The following INHBE variants were observed in gnomAD, a reference collection of about 807,000 sequenced individuals.
The protein encoded by INHBE is inhibin subunit beta E, also known as inhibin beta E chain.
A neutral mutation model predicts 27.8 loss-of-function variants in INHBE; 19 were observed. The observed-to-expected ratio is 0.68, with a 90% CI of 0.48 to 1.00. The LOEUF (loss-of-function observed/expected upper bound fraction) is 1.00. INHBE is among the 50% of genes least tolerant of loss of function. INHBE has a pLI of 0.00. For missense variants in INHBE, 398 were observed against 433.9 expected (o/e 0.92, Z 0.73); for synonymous variants, 196 against 187.2 (o/e 1.05, Z -0.38).
Position 57,456,357 on chromosome 12 carries a change from C to T in INHBE, c.562C>T (p.Leu188=), listed in dbSNP as rs771147211. The T allele has an allele frequency of 1.2e-6, 2 of 1,614,178 alleles. No individual in the cohort carries two copies. The highest frequency in any genetic ancestry group is 1.7e-6 in the Non-Finnish European group (2 of 1,180,040). The change falls in exon 2 of 2, where the codon CTG becomes TTG. Residue 188 remains leucine, a synonymous_variant. Coordinates refer to ENST00000266646, the MANE Select transcript of INHBE (RefSeq NM_031479.5). ...LRGEKSGVLK[L]QLDCRPLEGN... Reference sequence around the variant, plus strand: ...GGGTGAGAAGTCTGGTGTCCTGAAACTGCAACTAGACTGCAGACCCCTAGA... The same window carrying T: ...GGGTGAGAAGTCTGGTGTCCTGAAATTGCAACTAGACTGCAGACCCCTAGA...
At position 57,456,669 on chromosome 12, in the gene INHBE, G is replaced by C; in HGVS notation, c.874G>C (p.Ala292Pro). 6.2e-7 allele frequency: 1 copy of C among 1,614,218 alleles called. No homozygotes were observed. The highest frequency in any genetic ancestry group is 8.5e-7 in the Non-Finnish European group (1 of 1,180,052). Residue 292 changes from alanine (A) to proline (P), a missense_variant, in exon 2 of 2, where the codon GCC (alanine) becomes CCC (proline). Coordinates refer to ENST00000266646, the MANE Select transcript of INHBE (RefSeq NM_031479.5). The part of the protein sequence containing the change: ...PHLAGSPGIA[A>P]SFHSAVFSLL... Reference sequence around the variant, plus strand: ...CCTGGCTGGCAGCCCAGGCATTGCTGCCTCTTTCCATTCTGCCGTCTTCAG... The same window carrying C: ...CCTGGCTGGCAGCCCAGGCATTGCTCCCTCTTTCCATTCTGCCGTCTTCAG...
Position 57,456,587 on chromosome 12 carries a change from G to T in INHBE, c.792G>T (p.Trp264Cys). ...TCCAGGAACTGGGATGGCGGGACTG[G>T]ATACTGCAGCCCGAGGGGTACCAGC... ...VDFQELGWRD[W>C]ILQPEGYQLN... is the part of the protein sequence containing the mutation. Residue 264 changes from tryptophan to cysteine, a missense_variant, in exon 2 of 2, where the codon TGG becomes TGT. Coordinates refer to ENST00000266646, the MANE Select transcript of INHBE (RefSeq NM_031479.5). 6.2e-7 allele frequency: 1 copy of T among 1,614,162 alleles called. No homozygotes were observed. Among genetic ancestry groups the T allele is most frequent in the Non-Finnish European group, 8.5e-7 (1 of 1,180,014 alleles).
intron 1 of INHBE, 93 bp downstream of exon 1, chr12:57,455,927 G>C: frequency 7.1e-7 from 1 of 1,402,878 alleles, no homozygotes; most frequent in Middle Eastern, 2.0e-4. Context: ...GTGGGGTGTG[G>C]CAGGAGAAGG....
Position 57,456,490 on chromosome 12 carries a change from G to A in INHBE, c.695G>A (p.Arg232Gln), listed in dbSNP as rs183394512. Residue 232 changes from arginine to glutamine, a missense_variant, in exon 2 of 2, where the codon CGG becomes CAG. Transcript: ENST00000266646. ...CGAGCCAATGAGCCTGGAGCAGGCC[G>A]GGCCAGGAGGAGGACCCCCACCTGT... ...KIRANEPGAG[R>Q]ARRRTPTCEP... The A allele has an allele frequency of 3.1e-6, 5 of 1,614,168 alleles. No homozygotes were observed. Among genetic ancestry groups the A allele is most frequent in the Non-Finnish European group, 4.2e-6 (5 of 1,180,018 alleles).
chr12:57,456,952 A>G lies in INHBE; in HGVS notation c.*104A>G, dbSNP rs2139840475. The G allele has an allele frequency of 1.5e-6, 2 of 1,306,338 alleles. No homozygotes were observed. Among genetic ancestry groups the G allele is most frequent in the Non-Finnish European group, 2.1e-6 (2 of 953,414 alleles). 80.9% of individuals were successfully genotyped at this position (1,306,338 alleles called of 1,614,324 possible). Reference sequence around the variant, plus strand: ...AGATTCCTGATCCACACCCCAACCCAACAACCACCTGGCAATATGACTCAC... The same window carrying G: ...AGATTCCTGATCCACACCCCAACCCGACAACCACCTGGCAATATGACTCAC... On this transcript the variant is annotated 3_prime_UTR_variant, in exon 2 of 2. Coordinates refer to ENST00000266646, the MANE Select transcript of INHBE (RefSeq NM_031479.5).
Position 57,456,381 on chromosome 12 carries a change from G to T in INHBE, c.586G>T (p.Glu196Ter), listed in dbSNP as rs764817559. 1.4e-5 allele frequency: 22 copies of T among 1,614,152 alleles called. No individual in the cohort carries two copies. In the South Asian group the frequency reaches 2.3e-4, roughly 17 times the overall value. Reference protein sequence around the residue: ...LKLQLDCRPLEGNSTVTGQPR... With the variant: ...LKLQLDCRPL ...ACTGCAACTAGACTGCAGACCCCTA[G>T]AAGGCAACAGCACAGTTACTGGACA... The change falls in exon 2 of 2, where the codon GAA becomes TAA. Residue 196 changes from glutamate to a stop codon, truncating the protein, a stop_gained. Transcript: ENST00000266646. LOFTEE classifies it high-confidence loss of function.
chr12:57,457,100 A>G lies in INHBE; in HGVS notation c.*252A>G. ...TAAAGGGGTCTACCCAGAAAGCATG[A>G]TTTCCTGCCCTAAGTCCTGTGAGAA... On this transcript the variant is annotated 3_prime_UTR_variant, in exon 2 of 2. Coordinates refer to ENST00000266646, the MANE Select transcript of INHBE (RefSeq NM_031479.5). The G allele has an allele frequency of 3.4e-6, 1 of 290,160 alleles. No homozygotes were observed. Among genetic ancestry groups the G allele is most frequent in the Non-Finnish European group, 6.6e-6 (1 of 150,926 alleles). 18.0% of individuals were successfully genotyped at this position (290,160 alleles called of 1,614,324 possible). A position where few individuals can be genotyped will look rare whatever the true frequency, so the allele number is the denominator to read the frequency against.
At position 57,456,560 on chromosome 12, in the gene INHBE, C is replaced by T. The variant is rs1870839846; in HGVS notation, c.765C>T (p.Asp255=). ...PLCCRRDHYV[D]FQELGWRDWI... Reference sequence around the variant, plus strand: ...GTTGCAGGCGAGACCATTACGTAGACTTCCAGGAACTGGGATGGCGGGACT... The same window carrying T: ...GTTGCAGGCGAGACCATTACGTAGATTTCCAGGAACTGGGATGGCGGGACT... The change falls in exon 2 of 2, where the codon GAC becomes GAT. Residue 255 remains aspartate (D), a synonymous_variant. Coordinates refer to ENST00000266646, the MANE Select transcript of INHBE (RefSeq NM_031479.5). The T allele has an allele frequency of 6.2e-7, 1 of 1,614,094 alleles. No individual in the cohort carries two copies. Among genetic ancestry groups the T allele is most frequent in the South Asian group, 1.1e-5 (1 of 91,094 alleles).
In INHBE at chr12:57,455,448, C is replaced by A; in HGVS notation, c.-89C>A. 1 of 1,316,052 alleles carries A rather than the reference C, an allele frequency of 7.6e-7. No individual in the cohort carries two copies. The highest frequency in any genetic ancestry group is 1.1e-6 in the Non-Finnish European group (1 of 948,632). 81.5% of individuals were successfully genotyped at this position (1,316,052 alleles called of 1,614,324 possible). A position where few individuals can be genotyped will look rare whatever the true frequency, so the allele number is the denominator to read the frequency against. ...GGTGTGGCAGTGGTGTCTGCTGTCA[C>A]TGTGCCCTCATTGGCCCCCAGCAAT... On this transcript the variant is annotated 5_prime_UTR_variant, in exon 1 of 2. In the 5' UTR this introduces an upstream ATG that the reference lacks. Transcript: ENST00000266646.
intron 1 of INHBE, 74 bp from the exon 2 acceptor site, chr12:57,456,020 C>A: frequency 6.6e-7 from 1 of 1,520,810 alleles, no homozygotes; most frequent in Non-Finnish European, 8.9e-7. Flanking sequence ...GAGCAGTGGG[C>A]AGGGCTTGGG....
Position 57,456,627 on chromosome 12 carries a change from G to C in INHBE, c.832G>C (p.Gly278Arg). 1 of 1,614,180 alleles carries C rather than the reference G, an allele frequency of 6.2e-7. No individual in the cohort carries two copies. The highest frequency in any genetic ancestry group is 8.5e-7 in the Non-Finnish European group (1 of 1,180,022). Residue 278 changes from glycine to arginine, a missense_variant, in exon 2 of 2, where the codon GGG becomes CGG. Coordinates refer to ENST00000266646, the MANE Select transcript of INHBE (RefSeq NM_031479.5). ...PEGYQLNYCS[G>R]QCPPHLAGSP... ...GGGGTACCAGCTGAATTACTGCAGT[G>C]GGCAGTGCCCTCCCCACCTGGCTGG...
Position 57,456,892 on chromosome 12 carries a change from T to C in INHBE, c.*44T>C. 2 of 1,570,236 alleles carry C rather than the reference T, an allele frequency of 1.3e-6. No homozygotes were observed. The highest frequency in any genetic ancestry group is 2.3e-5 in the South Asian group (2 of 85,614). On this transcript the variant is annotated 3_prime_UTR_variant, in exon 2 of 2. Coordinates refer to ENST00000266646, the MANE Select transcript of INHBE (RefSeq NM_031479.5). ...TGGAGTGAAGAGACCAAGATGAAGTTTCCCAGGCACAGGGCATCTGTGACT... is the reference window on the plus strand; with the variant it reads ...TGGAGTGAAGAGACCAAGATGAAGTCTCCCAGGCACAGGGCATCTGTGACT...
intron 1 of INHBE, 53 bp from the exon 2 acceptor site, chr12:57,456,038 AGAG>A: frequency 2.6e-6 from 4 of 1,551,144 alleles, no homozygotes; most frequent in Non-Finnish European, 3.5e-6. Context: ...GGGGAGTCTC[AGAG>A]GAGAGCTTCA....
At position 57,455,517 on chromosome 12, in the gene INHBE, C is replaced by A. The variant is rs1309272148; in HGVS notation, c.-20C>A. Reference sequence around the variant, plus strand: ...CAACTGCCATCCGAGGCTCCTGAACCAGGGCCATTCACCAGGAGCATGCGG... The same window carrying A: ...CAACTGCCATCCGAGGCTCCTGAACAAGGGCCATTCACCAGGAGCATGCGG... On this transcript the variant is annotated 5_prime_UTR_variant, in exon 1 of 2. Coordinates refer to ENST00000266646, the MANE Select transcript of INHBE (RefSeq NM_031479.5). 1 of 1,587,684 alleles carries A rather than the reference C, an allele frequency of 6.3e-7. No individual in the cohort carries two copies. Among genetic ancestry groups the A allele is most frequent in the Admixed American group, 1.7e-5 (1 of 58,838 alleles).
In INHBE at chr12:57,456,644, C is replaced by T. The variant is rs1870842204; in HGVS notation, c.849C>T (p.His283=). Residue 283 remains histidine (H), a synonymous_variant, in exon 2 of 2, where the codon CAC becomes CAT. Coordinates refer to ENST00000266646, the MANE Select transcript of INHBE (RefSeq NM_031479.5). Reference sequence around the variant, plus strand: ...ACTGCAGTGGGCAGTGCCCTCCCCACCTGGCTGGCAGCCCAGGCATTGCTG... The same window carrying T: ...ACTGCAGTGGGCAGTGCCCTCCCCATCTGGCTGGCAGCCCAGGCATTGCTG... ...LNYCSGQCPP[H]LAGSPGIAAS... 1 of 1,614,230 alleles carries T rather than the reference C, an allele frequency of 6.2e-7. No individual in the cohort carries two copies. The highest frequency in any genetic ancestry group is 8.5e-7 in the Non-Finnish European group (1 of 1,180,040).
rs1437089235 is a variant in INHBE, at chr12:57,456,158, G to T, written c.363G>T (p.Leu121=). ...TGTCCACTCCTCGGTCCCACCACCT[G>T]TACCATGCCCGCCTGTGGCTGCACG... ...FHLSTPRSHH[L]YHARLWLHVL... The change falls in exon 2 of 2, where the codon CTG becomes CTT. Residue 121 remains leucine (L), a synonymous_variant. Coordinates refer to ENST00000266646, the MANE Select transcript of INHBE (RefSeq NM_031479.5). 1 of 1,614,084 alleles carries T rather than the reference G, an allele frequency of 6.2e-7. No individual in the cohort carries two copies. The highest frequency in any genetic ancestry group is 8.5e-7 in the Non-Finnish European group (1 of 1,180,004).
In INHBE at chr12:57,456,705, G is replaced by T; in HGVS notation, c.910G>T (p.Ala304Ser). The T allele has an allele frequency of 6.2e-7, 1 of 1,614,194 alleles. No homozygotes were observed. The highest frequency in any genetic ancestry group is 8.5e-7 in the Non-Finnish European group (1 of 1,180,040). The change falls in exon 2 of 2, where the codon GCC (alanine) becomes TCC (serine). Residue 304 changes from alanine to serine, a missense_variant. Physicochemically the swap from Ala to Ser is moderately conservative, Grantham distance 99 (BLOSUM62 1). Transcript: ENST00000266646. ...TTCTGCCGTCTTCAGCCTCCTCAAA[G>T]CCAACAATCCTTGGCCTGCCAGTAC... is the stretch of plus-strand genomic sequence containing the variant. ...FHSAVFSLLK[A>S]NNPWPASTSC... is the part of the protein sequence containing the mutation.
chr12:57,455,857 G>A, intron 1 of INHBE, 23 bp downstream of exon 1: 1 of 1,606,496 alleles, frequency 6.2e-7, no homozygotes, highest in Non-Finnish European at 8.5e-7. Context: ...GAGAGCAACA[G>A]GCAAAGAGCA....
Position 57,456,584 on chromosome 12 carries a change from C to A in INHBE, c.789C>A (p.Asp263Glu), listed in dbSNP as rs1169209506. ...YVDFQELGWR[D>E]WILQPEGYQL... ...ACTTCCAGGAACTGGGATGGCGGGA[C>A]TGGATACTGCAGCCCGAGGGGTACC... Residue 263 changes from aspartate to glutamate, a missense_variant, in exon 2 of 2, where the codon GAC becomes GAA. Physicochemically the swap from Asp to Glu is conservative, Grantham distance 45. Transcript: ENST00000266646. 2 of 1,614,170 alleles carry A rather than the reference C, an allele frequency of 1.2e-6. No individual in the cohort carries two copies. The highest frequency in any genetic ancestry group is 3.3e-5 in the Admixed American group (2 of 60,024).
Sources: allele counts gnomAD v4.1 joint callset, GRCh38; gene constraint gnomAD v4.1.1; transcripts MANE v1.5; gene names NCBI Gene and HGNC (gene_info 2026-07-23, HGNC 2026-07-21).